SLIT3: variants seen among roughly 807,000 people sequenced by gnomAD.
The protein encoded by SLIT3 is slit guidance ligand 3.
In SLIT3, 68 loss-of-function variants were observed where a neutral mutation model predicts 184.0. That is an observed-to-expected ratio of 0.37 (90% CI 0.30 to 0.45). The LOEUF is 0.45. Ranked by LOEUF, SLIT3 falls within the 20% of genes least tolerant of loss-of-function variation. SLIT3 has a pLI of 1.00. For synonymous variants in SLIT3, 831 were observed against 828.6 expected, an observed-to-expected ratio of 1.00 and a Z score of -0.05; for missense variants, 1,707 against 2,026.0, an observed-to-expected ratio of 0.84 and a Z score of 3.02.
intron 15 of SLIT3, among the ~76,000 whole-genome samples, chr5:168,761,674 C>T (rs1244764903): frequency 6.6e-6 from 1 of 152,076 alleles, no homozygotes; most frequent in African/African-American, 2.4e-5. Context: ...CCATGTCTGT[C>T]GGTCCCCACA....
At chr5:169,102,995 A>C (rs1760075228) in intron 4 of SLIT3, among the ~76,000 whole-genome samples, 1 of 152,202 alleles carries the variant, frequency 6.6e-6, no homozygotes, top group East Asian at 1.9e-4. Context: ...CTAAAACTTG[A>C]CTATGATAAT....
intron 4 of SLIT3, among the ~76,000 whole-genome samples, chr5:169,170,221 A>G (rs1762773827): frequency 6.6e-6 from 1 of 152,168 alleles, no homozygotes; most frequent in Non-Finnish European, 1.5e-5. Context: ...GCATCTGAGG[A>G]CCACAATGTT....
chr5:169,118,709 A>G (rs967980924), intron 4 of SLIT3, among the ~76,000 whole-genome samples: 2 of 152,114 alleles, frequency 1.3e-5, no homozygotes, highest in Non-Finnish European at 2.9e-5. Context: ...TGGTACTGCC[A>G]TTTGGCATTT....
chr5:169,097,460 A>AAGGGAAGG (rs1759831624), intron 4 of SLIT3, among the ~76,000 whole-genome samples: 1 of 152,118 alleles, frequency 6.6e-6, no homozygotes, highest in African/African-American at 2.4e-5. Flanking sequence ...AGAAGGAAGA[A>AAGGGAAGG]AGGGAAGGAG....
intron 4 of SLIT3, among the ~76,000 whole-genome samples, chr5:168,895,858 T>C (rs1272624165): frequency 1.9e-5 from 1 of 51,804 alleles, no homozygotes; most frequent in Non-Finnish European, 6.2e-5. Context: ...ATCCCAGACC[T>C]GCTTCTGGCC....
In SLIT3 at chr5:169,016,499, CATTATT is replaced by C. The variant is rs1216918754; in HGVS notation, c.414-133169_414-133164del. Among the ~76,000 whole-genome samples the C allele has an allele frequency of 8.5e-5, 13 of 152,252 alleles. No individual in the cohort carries two copies. In the East Asian group the frequency reaches 2.5e-3, roughly 29 times the overall value. On this transcript the variant is annotated intron_variant, in intron 4 of 35. Transcript: ENST00000519560. The stretch of plus-strand genomic sequence containing the variant: ...TATAAAAACTAATAAATGATATTAT[CATTATT>C]AAGTGTATCTATTCCTATTGAGAAG...
intron 1 of SLIT3, among the ~76,000 whole-genome samples, chr5:169,267,201 G>T (rs757461539): frequency 6.6e-6 from 1 of 152,100 alleles, no homozygotes; most frequent in African/African-American, 2.4e-5. Flanking sequence ...ATGGTCACAA[G>T]CTGAGAAGTA....
chr5:169,243,593 G>T (rs1350277922), intron 3 of SLIT3, among the ~76,000 whole-genome samples: 1 of 152,204 alleles, frequency 6.6e-6, no homozygotes, highest in African/African-American at 2.4e-5. Flanking sequence ...TAACTGACGT[G>T]CAATGGGGAC....
At chr5:168,983,622 G>C (rs56866819) in intron 4 of SLIT3, among the ~76,000 whole-genome samples, 15,871 of 152,176 alleles carry the variant, frequency 0.1, 880 homozygotes, top group African/African-American at 0.14. Context: ...ATTTCCTCAT[G>C]TGCAAAATGG....
intron 4 of SLIT3, among the ~76,000 whole-genome samples, chr5:169,045,000 A>C (rs1439627720): frequency 6.6e-6 from 1 of 152,124 alleles, no homozygotes; most frequent in Non-Finnish European, 1.5e-5. Context: ...GATGAGAAGA[A>C]CTCCTCCATG....
At chr5:168,696,270 C>T (rs1762062027) in intron 28 of SLIT3, 22 bp downstream of exon 28, 1 of 1,614,082 alleles carries the variant, frequency 6.2e-7, no homozygotes, top group African/African-American at 1.3e-5. Context: ...CCCCACCATA[C>T]ATACAGTCAT....
intron 4 of SLIT3, among the ~76,000 whole-genome samples, chr5:169,120,785 T>A (rs1317006572): frequency 6.6e-6 from 1 of 152,132 alleles, no homozygotes; most frequent in African/African-American, 2.4e-5. Flanking sequence ...TTTTCCCTAT[T>A]ATAGTCTTGG....
At chr5:169,061,594 C>T (rs1758175996) in intron 4 of SLIT3, among the ~76,000 whole-genome samples, 1 of 152,164 alleles carries the variant, frequency 6.6e-6, no homozygotes. Flanking sequence ...TCTACCTGAC[C>T]TTACTACAAG....
intron 4 of SLIT3, among the ~76,000 whole-genome samples, chr5:168,924,445 T>G (rs920579738): frequency 6.6e-6 from 1 of 152,086 alleles, no homozygotes; most frequent in Non-Finnish European, 1.5e-5. Context: ...ACACCTCAGT[T>G]CAATGCAAGC....
At chr5:169,295,415 A>G (rs1767471226) in intron 1 of SLIT3, among the ~76,000 whole-genome samples, 2 of 152,272 alleles carry the variant, frequency 1.3e-5, no homozygotes, top group African/African-American at 4.8e-5. Flanking sequence ...TGCTGAGCAC[A>G]TTACAGGGAC....
intron 6 of SLIT3, among the ~76,000 whole-genome samples, chr5:168,834,288 A>T (rs1757971399): frequency 6.6e-6 from 1 of 152,146 alleles, no homozygotes; most frequent in African/African-American, 2.4e-5. Flanking sequence ...CAGGGAACGA[A>T]TTTACACTGA....
In SLIT3 at chr5:168,938,939, T is replaced by C. The variant is rs144228595; in HGVS notation, c.414-55603A>G. Among the ~76,000 whole-genome samples, 32 of 152,112 alleles carry C rather than the reference T, an allele frequency of 2.1e-4. 1 individual carries two copies. In the East Asian group the frequency reaches 6.2e-3, roughly 29 times the overall value. On this transcript the variant is annotated intron_variant, in intron 4 of 35. Transcript: ENST00000519560. ...CCACTGTGCCCAGCCTATACAATGA[T>C]TATATAGAGATATACCCTGATTTGG...
intron 6 of SLIT3, among the ~76,000 whole-genome samples, chr5:168,830,843 C>CT (rs1561956366): frequency 9.2e-5 from 14 of 152,226 alleles, no homozygotes; most frequent in Admixed American, 8.5e-4. Context: ...TTCAGACAGA[C>CT]AGATGTCACC....
intron 12 of SLIT3, among the ~76,000 whole-genome samples, chr5:168,779,520 G>A (rs1048494381): frequency 1.6e-4 from 24 of 152,200 alleles, no homozygotes; most frequent in Non-Finnish European, 2.9e-4. Context: ...CTTCCTTGGA[G>A]CACTTTTGGC....
Sources: gnomAD v4.1 joint callset for allele counts (sites outside exome capture counted in the v4.1 genomes callset) on GRCh38, gnomAD v4.1.1 for gene constraint, MANE v1.5 for transcripts, NCBI Gene and HGNC (gene_info 2026-07-23, HGNC 2026-07-21) for gene names.